The following GRIN3A variants were observed in gnomAD, a reference collection of about 807,000 sequenced individuals.
GRIN3A encodes the protein glutamate ionotropic receptor NMDA type subunit 3A, also known as glutamate receptor ionotropic, NMDA 3A.
Under a neutral mutation model 92.4 loss-of-function variants are expected in GRIN3A, and 47 were observed. That is an observed-to-expected ratio of 0.51 (90% CI 0.40 to 0.65). GRIN3A has a LOEUF of 0.65. GRIN3A is among the 30% of genes least tolerant of loss of function. GRIN3A has a pLI of 0.00. For synonymous variants in GRIN3A, 527 were observed against 540.6 expected, an observed-to-expected ratio of 0.97 and a Z score of 0.35; for missense variants, 1,324 against 1,393.1, an observed-to-expected ratio of 0.95 and a Z score of 0.79.
chr9:101,610,094 G>A (rs1031518933), intron 6 of GRIN3A, among the ~76,000 whole-genome samples: 1 of 152,190 alleles, frequency 6.6e-6, no homozygotes, highest in African/African-American at 2.4e-5. Flanking sequence ...TTGTTATTTG[G>A]CACAGGTTAG....
intron 6 of GRIN3A, among the ~76,000 whole-genome samples, chr9:101,595,319 CTTTTT>C (rs35592131): frequency 6.8e-6 from 1 of 146,904 alleles, no homozygotes; most frequent in African/African-American, 2.5e-5. Flanking sequence ...CTACTTATTT[CTTTTT>C]TTTTTTTCTC....
chr9:101,726,298 A>G (rs1830081955), intron 1 of GRIN3A, among the ~76,000 whole-genome samples: 1 of 152,218 alleles, frequency 6.6e-6, no homozygotes, highest in South Asian at 2.1e-4. Flanking sequence ...AACCACATCC[A>G]TGGAGAAGCT....
chr9:101,735,311 AAT>A (rs1324283190), intron 1 of GRIN3A, among the ~76,000 whole-genome samples: 1 of 151,966 alleles, frequency 6.6e-6, no homozygotes, highest in Non-Finnish European at 1.5e-5. Flanking sequence ...AGTGATTTAA[AAT>A]ATGTTTCTGA....
At chr9:101,673,504 T>A (rs184876617) in intron 2 of GRIN3A, among the ~76,000 whole-genome samples, 2 of 152,274 alleles carry the variant, frequency 1.3e-5, no homozygotes, top group Non-Finnish European at 2.9e-5. Flanking sequence ...TATTTGTGTC[T>A]GTTTCATTTT....
At chr9:101,725,519 A>G (rs1186461332) in intron 1 of GRIN3A, among the ~76,000 whole-genome samples, 2 of 152,246 alleles carry the variant, frequency 1.3e-5, no homozygotes, top group Non-Finnish European at 2.9e-5. Context: ...GACATCTTTA[A>G]GTATTTTTAG....
intron 6 of GRIN3A, among the ~76,000 whole-genome samples, chr9:101,584,429 TGGA>T (rs1266340614): frequency 2.6e-5 from 4 of 152,238 alleles, no homozygotes; most frequent in Non-Finnish European, 5.9e-5. Context: ...GCATGTTGCA[TGGA>T]GGAATACCAA....
Position 101,737,774 on chromosome 9 carries a change from G to C in GRIN3A, c.206C>G (p.Pro69Arg). 1 of 1,528,424 alleles carries C rather than the reference G, an allele frequency of 6.5e-7. No individual in the cohort carries two copies. The highest frequency in any genetic ancestry group is 8.7e-7 in the Non-Finnish European group (1 of 1,143,756). 94.7% of individuals were successfully genotyped at this position (1,528,424 alleles called of 1,614,324 possible). ...CTGGGCTCCTGCTCGGCTGTCGTCCGGAGCGCGGCTGGCCGCGCGGGGGGC... is the reference window on the plus strand; with the variant it reads ...CTGGGCTCCTGCTCGGCTGTCGTCCCGAGCGCGGCTGGCCGCGCGGGGGGC... ...TTAPRAASRA[P>R]DDSRAGAQRD... The change falls in exon 1 of 9, where the codon CCG (proline) becomes CGG (arginine). Residue 69 changes from proline (P) to arginine (R), a missense_variant. Pro to Arg is a moderately radical substitution (Grantham distance 103). Coordinates refer to ENST00000361820, the MANE Select transcript of GRIN3A (RefSeq NM_133445.3).
chr9:101,602,045 T>C, intron 6 of GRIN3A, among the ~76,000 whole-genome samples: 1 of 152,098 alleles, frequency 6.6e-6, no homozygotes, highest in East Asian at 1.9e-4. Flanking sequence ...GTGCGTGCAT[T>C]GGCTTCCCTG....
At chr9:101,643,615 C>G (rs1264058803) in intron 3 of GRIN3A, among the ~76,000 whole-genome samples, 1 of 151,640 alleles carries the variant, frequency 6.6e-6, no homozygotes, top group Non-Finnish European at 1.5e-5. Flanking sequence ...TTTATTACAG[C>G]ACTATTCACA....
At chr9:101,651,985 CATTT>C (rs1323329347) in intron 3 of GRIN3A, among the ~76,000 whole-genome samples, 1 of 151,898 alleles carries the variant, frequency 6.6e-6, no homozygotes, top group Admixed American at 6.6e-5. Context: ...CTTTTTCATT[CATTT>C]AGTCTCCTAC....
intron 3 of GRIN3A, among the ~76,000 whole-genome samples, chr9:101,628,640 T>G (rs1194706895): frequency 6.6e-6 from 1 of 152,218 alleles, no homozygotes; most frequent in Non-Finnish European, 1.5e-5. Flanking sequence ...CAATTTTTTT[T>G]GCTTTATATT....
chr9:101,702,973 CA>C (rs1223119840), intron 1 of GRIN3A, among the ~76,000 whole-genome samples: 2 of 151,196 alleles, frequency 1.3e-5, no homozygotes, highest in African/African-American at 4.9e-5. Flanking sequence ...TCACTTTCAT[CA>C]TCTCCTTGCT....
At chr9:101,636,480 T>C (rs966991791) in intron 3 of GRIN3A, among the ~76,000 whole-genome samples, 4 of 152,180 alleles carry the variant, frequency 2.6e-5, no homozygotes, top group Admixed American at 2.6e-4. Flanking sequence ...CTTGGAGCTA[T>C]TAAGCAACTT....
chr9:101,660,174 G>A (rs985650198), intron 3 of GRIN3A, among the ~76,000 whole-genome samples: 20 of 151,826 alleles, frequency 1.3e-4, no homozygotes, highest in African/African-American at 4.1e-4. Flanking sequence ...CATCTGTCTC[G>A]TATTCCCTCA....
At chr9:101,689,181 T>C (rs1402857496) in intron 1 of GRIN3A, among the ~76,000 whole-genome samples, 1 of 152,204 alleles carries the variant, frequency 6.6e-6, no homozygotes. Flanking sequence ...GAAGGCAAGC[T>C]CCACATTTAG....
chr9:101,730,825 A>G (rs1564154506), intron 1 of GRIN3A, among the ~76,000 whole-genome samples: 1 of 152,148 alleles, frequency 6.6e-6, no homozygotes, highest in Admixed American at 6.5e-5. Flanking sequence ...AAGTATAAAG[A>G]CAACTTATCT....
intron 6 of GRIN3A, among the ~76,000 whole-genome samples, chr9:101,590,737 T>C (rs554087892): frequency 2.6e-5 from 4 of 152,266 alleles, no homozygotes; most frequent in African/African-American, 9.6e-5. Context: ...AAAATAGATA[T>C]AACACCATAG....
At chr9:101,717,851 T>A (rs190784325) in intron 1 of GRIN3A, among the ~76,000 whole-genome samples, 12 of 152,320 alleles carry the variant, frequency 7.9e-5, no homozygotes, top group African/African-American at 2.4e-4. Context: ...TTAGGGAGAA[T>A]GAAGGAAGTA....
intron 1 of GRIN3A, among the ~76,000 whole-genome samples, chr9:101,717,180 T>G (rs554430931): frequency 6.6e-6 from 1 of 152,228 alleles, no homozygotes; most frequent in Non-Finnish European, 1.5e-5. Context: ...GCATATAATA[T>G]AGTGGAATTC....
Sources: gnomAD v4.1 joint callset for allele counts (sites outside exome capture counted in the v4.1 genomes callset) on GRCh38, gnomAD v4.1.1 for gene constraint, MANE v1.5 for transcripts, NCBI Gene and HGNC (gene_info 2026-07-23, HGNC 2026-07-21) for gene names.